TFAP4: variants seen among roughly 807,000 people sequenced by gnomAD.
TFAP4 encodes activating enhancer-binding protein 4.
Under a neutral mutation model 40.4 loss-of-function variants are expected in TFAP4, and 7 were observed. The ratio of observed to expected loss-of-function variants is 0.17; its 90% CI spans 0.10 to 0.33. The LOEUF (loss-of-function observed/expected upper bound fraction) is 0.33, where lower values mean the gene tolerates loss of function less well. Ranked by LOEUF, TFAP4 falls within the 10% of genes least tolerant of loss-of-function variation. The probability of loss-of-function intolerance (pLI) is 1.00; values close to 1 mark genes in which losing one functional copy is unlikely to be tolerated. For synonymous variants in TFAP4, 218 were observed against 181.4 expected, an observed-to-expected ratio of 1.20 and a Z score of -1.62; for missense variants, 374 against 451.1, an observed-to-expected ratio of 0.83 and a Z score of 1.55.
Position 4,260,229 on chromosome 16 carries a change from G to T in TFAP4, c.683C>A (p.Ala228Asp). 8.5e-7 allele frequency: 1 copy of T among 1,170,522 alleles called. No homozygotes were observed. Among genetic ancestry groups the T allele is most frequent in the South Asian group, 1.4e-5 (1 of 73,398 alleles). 72.5% of individuals were successfully genotyped at this position (1,170,522 alleles called of 1,614,324 possible). Residue 228 changes from alanine to aspartate, a missense_variant, in exon 6 of 7, where the codon GCC (alanine) becomes GAC (aspartate). By Grantham distance (126) the Ala-to-Asp change is moderately radical (BLOSUM62 -2). Around this residue, in one of 6 missense-constraint regions of TFAP4, gnomAD observed 161 missense variants for 154.2 expected, o/e 1.04. Transcript: ENST00000204517. Reference sequence around the variant, plus strand: ...GATCACCGTGGGGTGGTGGGTGGGGGCCGGAGGGGGCAGAAGCTGCAAGAC... The same window carrying T: ...GATCACCGTGGGGTGGTGGGTGGGGTCCGGAGGGGGCAGAAGCTGCAAGAC... ...QLRTQLLPPPAPTHHPTVIVP... is the reference protein window; with the variant it reads ...QLRTQLLPPPDPTHHPTVIVP...
chr16:4,259,198 A>G (rs1380626880), intron 6 of TFAP4, among the ~76,000 whole-genome samples: 7 of 151,932 alleles, frequency 4.6e-5, no homozygotes, highest in Non-Finnish European at 1.0e-4. Context: ...CAGTGGTGCA[A>G]TCTCAGCTCA....
chr16:4,272,756 C>A lies in TFAP4; in HGVS notation c.-10G>T. ...CCATGAAATACTCCATAGCGATCGG[C>A]CCCCCTCCTCTGCACGAGCCAGGTC... On this transcript the variant is annotated 5_prime_UTR_variant, in exon 1 of 7. Coordinates refer to ENST00000204517, the MANE Select transcript of TFAP4 (RefSeq NM_003223.3). 6.2e-7 allele frequency: 1 copy of A among 1,611,890 alleles called. No individual in the cohort carries two copies. Among genetic ancestry groups the A allele is most frequent in the South Asian group, 1.1e-5 (1 of 90,942 alleles).
chr16:4,272,659 T>C lies in TFAP4; in HGVS notation c.88A>G (p.Ser30Gly). 1 of 1,610,194 alleles carries C rather than the reference T, an allele frequency of 6.2e-7. No individual in the cohort carries two copies. Among genetic ancestry groups the C allele is most frequent in the Non-Finnish European group, 8.5e-7 (1 of 1,177,636 alleles). The change falls in exon 1 of 7, where the codon AGC (serine) becomes GGC (glycine). Residue 30 changes from serine to glycine, a missense_variant and splice_region_variant. Transcript: ENST00000204517. Reference sequence around the variant, plus strand: ...GGTGGGGGGAGGAGGAGTACACACCTACAGAGCCCTCCTATCACTTCTTTC... The same window carrying C: ...GGTGGGGGGAGGAGGAGTACACACCCACAGAGCCCTCCTATCACTTCTTTC... ...TEKEVIGGLC[S>G]LANIPLTPET...
intron 6 of TFAP4, among the ~76,000 whole-genome samples, chr16:4,259,008 A>G (rs914117351): frequency 1.3e-5 from 2 of 151,638 alleles, no homozygotes; most frequent in African/African-American, 4.8e-5. Flanking sequence ...GAATCACTTG[A>G]ACCTGGGAGG....
rs755332264 is a variant in TFAP4, at chr16:4,258,118, G to C, written c.954C>G (p.Ala318=). 2.5e-5 allele frequency: 41 copies of C among 1,613,790 alleles called. No homozygotes were observed. In the South Asian group the frequency reaches 4.0e-4, roughly 16 times the overall value. The change falls in exon 7 of 7, where the codon GCC becomes GCG. Residue 318 remains alanine (A), a synonymous_variant. Transcript: ENST00000204517. ...PTSDTASDSE[A]SDSDAMDQSR... Reference sequence around the variant, plus strand: ...TCTGGTCCATGGCGTCACTGTCTGAGGCCTCGGAGTCGGAGGCGGTGTCAG... The same window carrying C: ...TCTGGTCCATGGCGTCACTGTCTGACGCCTCGGAGTCGGAGGCGGTGTCAG...
intron 1 of TFAP4, 90 bp from the exon 2 acceptor site, chr16:4,262,791 T>A: frequency 6.8e-7 from 1 of 1,460,124 alleles, no homozygotes; most frequent in Non-Finnish European, 9.3e-7. Context: ...ATCCCTCCCC[T>A]GCTGCAAAAG....
intron 1 of TFAP4, chr16:4,266,002 A>C (rs2052991486): frequency 6.6e-6 from 1 of 152,356 alleles, no homozygotes; most frequent in Admixed American, 6.5e-5. Context: ...TGGGCAGGGC[A>C]GGGTGCAGCC....
chr16:4,263,567 A>G (rs1439563292), intron 1 of TFAP4: 1 of 152,248 alleles, frequency 6.6e-6, no homozygotes, highest in Non-Finnish European at 1.5e-5. Context: ...CTAAGACTTC[A>G]CAGAAGACAA....
At chr16:4,266,512 G>A (rs1453657897) in intron 1 of TFAP4, 3 of 151,980 alleles carry the variant, frequency 2.0e-5, no homozygotes, top group Non-Finnish European at 2.9e-5. Flanking sequence ...TCTAACCAAG[G>A]CTTCTGATTG....
intron 6 of TFAP4, 33 bp from the exon 7 acceptor site, chr16:4,258,282 C>A: frequency 1.3e-6 from 2 of 1,529,702 alleles, no homozygotes; most frequent in Non-Finnish European, 1.8e-6. Flanking sequence ...GAAGGCTCGG[C>A]CGGGGATACA....
intron 5 of TFAP4, 71 bp from the exon 6 acceptor site, chr16:4,260,316 G>C: frequency 6.6e-7 from 1 of 1,511,572 alleles, no homozygotes; most frequent in Non-Finnish European, 8.8e-7. Flanking sequence ...TTCATGCAGA[G>C]CTGGCCAATG....
Position 4,261,924 on chromosome 16 carries a change from C to T in TFAP4, c.380G>A (p.Arg127Gln), listed in dbSNP as rs748728800. 65 of 1,609,910 alleles carry T rather than the reference C, an allele frequency of 4.0e-5. No individual in the cohort carries two copies. In the South Asian group the frequency reaches 7.2e-4, roughly 18 times the overall value. ...IQELSGSSPKRRRAEDKDEGI... is the reference protein window; with the variant it reads ...IQELSGSSPKQRRAEDKDEGI... Reference sequence around the variant, plus strand: ...TTCGTCCTTGTCCTCTGCCCGCCGTCGCTTGGGGGACGAGCCGCTCAGCTC... The same window carrying T: ...TTCGTCCTTGTCCTCTGCCCGCCGTTGCTTGGGGGACGAGCCGCTCAGCTC... The change falls in exon 4 of 7, where the codon CGA (arginine) becomes CAA (glutamine). Residue 127 changes from arginine (R) to glutamine (Q), a missense_variant. By Grantham distance (43) the Arg-to-Gln change is conservative. This residue lies in a region of TFAP4 where 51 missense variants were observed against 91.1 expected (regional missense o/e 0.56). Transcript: ENST00000204517.
chr16:4,258,085 C>T lies in TFAP4; in HGVS notation c.987G>A (p.Glu329=). ...GAAGCTCCCCGTCCCCCGACGGCTC[C>T]TCCCGGCTCTGGTCCATGGCGTCAC... ...SDSDAMDQSR[E]EPSGDGELP The change falls in exon 7 of 7, where the codon GAG becomes GAA. Residue 329 remains glutamate, a synonymous_variant. Coordinates refer to ENST00000204517, the MANE Select transcript of TFAP4 (RefSeq NM_003223.3). The T allele has an allele frequency of 6.2e-7, 1 of 1,613,206 alleles. No individual in the cohort carries two copies. Among genetic ancestry groups the T allele is most frequent in the Non-Finnish European group, 8.5e-7 (1 of 1,179,846 alleles).
At position 4,258,079 on chromosome 16, in the gene TFAP4, C is replaced by G. The variant is rs558262049; in HGVS notation, c.993G>C (p.Pro331=). ...GTCAGGGAAGCTCCCCGTCCCCCGA[C>G]GGCTCCTCCCGGCTCTGGTCCATGG... is the stretch of plus-strand genomic sequence containing the variant. ...SDAMDQSREE[P]SGDGELP The change falls in exon 7 of 7, where the codon CCG becomes CCC. Residue 331 remains proline, a synonymous_variant. Transcript: ENST00000204517. The G allele has an allele frequency of 6.2e-7, 1 of 1,612,716 alleles. No homozygotes were observed.
At chr16:4,259,460 C>T (rs2052926674) in intron 6 of TFAP4, among the ~76,000 whole-genome samples, 1 of 152,104 alleles carries the variant, frequency 6.6e-6, no homozygotes, top group Non-Finnish European at 1.5e-5. Context: ...TTAAAGCTTG[C>T]CTATTAACTT....
chr16:4,259,736 T>C (rs2052929046), intron 6 of TFAP4, among the ~76,000 whole-genome samples: 1 of 152,128 alleles, frequency 6.6e-6, no homozygotes, highest in Non-Finnish European at 1.5e-5. Flanking sequence ...ATCCAGGTCC[T>C]AGGAGATGGA....
chr16:4,272,805 G>C lies in TFAP4; in HGVS notation c.-59C>G. ...TCCCGCGATCAGCCGGAGAATGCAA[G>C]ATGGAAATCCGAATCAAAGGGCAGC... On this transcript the variant is annotated 5_prime_UTR_variant, in exon 1 of 7. In the 5' UTR this introduces an upstream ATG that the reference lacks. Coordinates refer to ENST00000204517, the MANE Select transcript of TFAP4 (RefSeq NM_003223.3). The C allele has an allele frequency of 6.6e-7, 1 of 1,515,570 alleles. No homozygotes were observed. Among genetic ancestry groups the C allele is most frequent in the Non-Finnish European group, 9.0e-7 (1 of 1,106,624 alleles). 93.9% of individuals were successfully genotyped at this position (1,515,570 alleles called of 1,614,324 possible).
intron 1 of TFAP4, chr16:4,266,167 G>A (rs251742): frequency 0.23 from 35,446 of 152,046 alleles, 4,978 homozygotes; most frequent in East Asian, 0.64. Flanking sequence ...AACCCCAGCC[G>A]GAAGTTCTCA....
At chr16:4,271,702 G>T (rs1460567491) in intron 1 of TFAP4, among the ~76,000 whole-genome samples, 2 of 152,160 alleles carry the variant, frequency 1.3e-5, no homozygotes, top group Non-Finnish European at 1.5e-5. Flanking sequence ...AGGGGGGAGG[G>T]GCGTTGGATG....
Sources: gnomAD v4.1 joint callset for allele counts (sites outside exome capture counted in the v4.1 genomes callset) on GRCh38, gnomAD v4.1.1 for gene constraint, gnomAD v4.1.1 regional missense constraint, MANE v1.5 for transcripts, NCBI Gene and HGNC (gene_info 2026-07-23, HGNC 2026-07-21) for gene names.